PLXNC1: variants seen among roughly 807,000 people sequenced by gnomAD.
PLXNC1 encodes the protein plexin-C1.
PLXNC1 carries 75 observed loss-of-function variants against 178.2 expected under a neutral mutation model. The ratio of observed to expected loss-of-function variants is 0.42; its 90% CI spans 0.35 to 0.51. The LOEUF is 0.51. Among genes scored for constraint, PLXNC1 ranks in the 20% least tolerant of loss-of-function variants. The pLI, the probability that PLXNC1 is intolerant of heterozygous loss-of-function variation, is 0.02. For missense variants in PLXNC1, 1,503 were observed against 1,984.4 expected, an observed-to-expected ratio of 0.76 and a Z score of 4.61; for synonymous variants, 790 against 779.9, an observed-to-expected ratio of 1.01 and a Z score of -0.22.
chr12:94,272,315 C>T (rs1176461965), intron 21 of PLXNC1: 1 of 152,288 alleles, frequency 6.6e-6, no homozygotes, highest in East Asian at 1.9e-4. Flanking sequence ...CTCTTGTCCT[C>T]ATATTCTAAG....
chr12:94,148,801 C>T lies in PLXNC1; in HGVS notation c.-171C>T, dbSNP rs1216386841. 1 of 152,234 alleles carries T rather than the reference C, an allele frequency of 6.6e-6. No homozygotes were observed. Among genetic ancestry groups the T allele is most frequent in the Admixed American group, 6.6e-5 (1 of 15,246 alleles). 9.4% of individuals were successfully genotyped at this position (152,234 alleles called of 1,614,324 possible). ...GCACAGGCTGCCGGAGCGAGCCTGC[C>T]GCGCGCCGCCCTCCCCGCTCTCCTT... On this transcript the variant is annotated 5_prime_UTR_variant, in exon 1 of 31. Coordinates refer to ENST00000258526, the MANE Select transcript of PLXNC1 (RefSeq NM_005761.3). The surrounding 1 kb of genome is among the most constrained non-coding windows in gnomAD (Gnocchi z 4.8).
intron 21 of PLXNC1, among the ~76,000 whole-genome samples, chr12:94,266,374 G>C (rs1965244185): frequency 6.6e-6 from 1 of 152,204 alleles, no homozygotes; most frequent in South Asian, 2.1e-4. Context: ...TCAGCGTTCT[G>C]AATTGTATCA....
intron 6 of PLXNC1, among the ~76,000 whole-genome samples, chr12:94,221,243 T>G (rs1963787727): frequency 6.6e-6 from 1 of 152,210 alleles, no homozygotes; most frequent in Non-Finnish European, 1.5e-5. Flanking sequence ...AATAAATGTT[T>G]CTTGAATGAA....
intron 20 of PLXNC1, chr12:94,262,412 C>T (rs1592824110): frequency 1.2e-6 from 1 of 836,828 alleles, no homozygotes; most frequent in Admixed American, 6.2e-5. Flanking sequence ...ATTCTTAACT[C>T]TGAGCTTTCA....
chr12:94,297,294 G>A lies in PLXNC1; in HGVS notation c.3967-22G>A, dbSNP rs369590494. 32 of 1,612,216 alleles carry A rather than the reference G, an allele frequency of 2.0e-5. No individual in the cohort carries two copies. The African/African-American group carries it at 3.1e-4, about 15-fold the overall frequency. On this transcript the variant is annotated intron_variant, in intron 25 of 30. Coordinates refer to ENST00000258526, the MANE Select transcript of PLXNC1 (RefSeq NM_005761.3). ...AGCAAGAGTGGTCTCCTTGGGTAAC[G>A]CTTCTGCTGTCTTCCCTTCAGATTT...
At chr12:94,181,637 T>G in intron 3 of PLXNC1, 57 bp downstream of exon 3, 1 of 1,408,776 alleles carries the variant, frequency 7.1e-7, no homozygotes. Context: ...GTTTAATTGA[T>G]GTCATTATCT....
intron 23 of PLXNC1, among the ~76,000 whole-genome samples, chr12:94,283,585 C>T (rs1966611685): frequency 6.6e-6 from 1 of 152,148 alleles, no homozygotes; most frequent in African/African-American, 2.4e-5. Context: ...AATCAGTCTC[C>T]CTGAGCGTTC....
chr12:94,296,335 A>C (rs1967918464), intron 24 of PLXNC1, among the ~76,000 whole-genome samples: 1 of 151,964 alleles, frequency 6.6e-6, no homozygotes, highest in Admixed American at 6.6e-5. Context: ...TACTCTTTAA[A>C]ATTTTTTGTA....
intron 4 of PLXNC1, among the ~76,000 whole-genome samples, chr12:94,203,809 TA>T (rs1963212515): frequency 6.6e-6 from 1 of 152,188 alleles, no homozygotes; most frequent in South Asian, 2.1e-4. Flanking sequence ...AAATGTCACC[TA>T]AAAAGCGTGT....
chr12:94,272,258 G>A (rs1048880396), intron 21 of PLXNC1: 4 of 152,330 alleles, frequency 2.6e-5, no homozygotes, highest in Non-Finnish European at 5.9e-5. Context: ...TCTCTCCCTG[G>A]TGGCATTCTG....
At chr12:94,261,563 C>T (rs150730698) in intron 20 of PLXNC1, among the ~76,000 whole-genome samples, 2 of 152,252 alleles carry the variant, frequency 1.3e-5, no homozygotes, top group South Asian at 2.1e-4. Flanking sequence ...AAATGTTGGC[C>T]GTTACGATTA....
chr12:94,249,020 T>C (rs1317807931), intron 14 of PLXNC1, among the ~76,000 whole-genome samples: 1 of 152,104 alleles, frequency 6.6e-6, no homozygotes, highest in Non-Finnish European at 1.5e-5. Flanking sequence ...TCATGCCGTA[T>C]GAGGCTCTGT....
Position 94,156,248 on chromosome 12 carries a change from C to T in PLXNC1, c.1062+6215C>T, listed in dbSNP as rs768385661. Reference sequence around the variant, plus strand: ...ATCATTACTACTAATAGTGTTAGGACGGGCTCCTTGATATGCAGTTGGAAG... The same window carrying T: ...ATCATTACTACTAATAGTGTTAGGATGGGCTCCTTGATATGCAGTTGGAAG... On this transcript the variant is annotated intron_variant, in intron 1 of 30. Coordinates refer to ENST00000258526, the MANE Select transcript of PLXNC1 (RefSeq NM_005761.3). Among the ~76,000 whole-genome samples, 65 of 152,180 alleles carry T rather than the reference C, an allele frequency of 4.3e-4. 1 individual carries two copies. The highest frequency in any genetic ancestry group is 4.1e-3 in the Admixed American group (62 of 15,278).
At chr12:94,267,572 G>A (rs1382943225) in intron 21 of PLXNC1, among the ~76,000 whole-genome samples, 2 of 152,058 alleles carry the variant, frequency 1.3e-5, no homozygotes, top group Non-Finnish European at 2.9e-5. Flanking sequence ...CATAAGATTT[G>A]AGCCTTGAAA....
At chr12:94,242,180 G>A (rs527338274) in intron 11 of PLXNC1, among the ~76,000 whole-genome samples, 30 of 152,122 alleles carry the variant, frequency 2.0e-4, no homozygotes, top group African/African-American at 7.2e-4. Flanking sequence ...TCTGGAGGCT[G>A]AAATCATGGT....
chr12:94,208,014 C>T (rs1157709068), intron 4 of PLXNC1, among the ~76,000 whole-genome samples: 1 of 152,090 alleles, frequency 6.6e-6, no homozygotes, highest in African/African-American at 2.4e-5. Flanking sequence ...TGATCTATTT[C>T]AGATACAACC....
intron 21 of PLXNC1, among the ~76,000 whole-genome samples, chr12:94,267,883 C>A (rs1011082295): frequency 2.0e-5 from 3 of 152,156 alleles, no homozygotes; most frequent in Non-Finnish European, 4.4e-5. Flanking sequence ...CCCTCCCAAG[C>A]ATGTACACCC....
Position 94,210,357 on chromosome 12 carries a change from G to A in PLXNC1, c.1554+653G>A, listed in dbSNP as rs1345405482. Among the ~76,000 whole-genome samples, 9 of 152,306 alleles carry A rather than the reference G, an allele frequency of 5.9e-5. No individual in the cohort carries two copies. The South Asian group carries it at 1.0e-3, about 18-fold the overall frequency. On this transcript the variant is annotated intron_variant, in intron 5 of 30. Transcript: ENST00000258526. The stretch of plus-strand genomic sequence containing the variant: ...GCATTTTCAAATGCACACGCCAACC[G>A]TGCCCTACGGAAAAAGGGAATTCCT...
intron 4 of PLXNC1, among the ~76,000 whole-genome samples, chr12:94,204,448 T>C (rs1479597148): frequency 6.6e-6 from 1 of 152,268 alleles, no homozygotes; most frequent in African/African-American, 2.4e-5. Context: ...AAAAAAATCT[T>C]TTAATTGTCT....
Sources: allele counts gnomAD v4.1 joint callset (sites outside exome capture counted in the v4.1 genomes callset), GRCh38; gene constraint gnomAD v4.1.1; non-coding constraint Gnocchi (gnomAD v3.1); transcripts MANE v1.5; gene names NCBI Gene and HGNC (gene_info 2026-07-23, HGNC 2026-07-21).